Variants in FGF12 observed in about 807,000 individuals in gnomAD.
FGF12 encodes fibroblast growth factor 12B.
FGF12 carries 14 observed loss-of-function variants against 23.6 expected under a neutral mutation model. The ratio of observed to expected loss-of-function variants is 0.59; its 90% confidence interval spans 0.39 to 0.93. The LOEUF (loss-of-function observed/expected upper bound fraction) is 0.93. Ranked by LOEUF, FGF12 falls within the 40% of genes least tolerant of loss-of-function variation. The probability of loss-of-function intolerance (pLI) is 0.00; values close to 1 mark genes in which losing one functional copy is unlikely to be tolerated. For synonymous variants in FGF12, 62 were observed against 77.3 expected (o/e 0.80, Z 1.04); for missense variants, 175 against 217.8 (o/e 0.80, Z 1.24).
chr3:192,148,285 A>G (rs908912938), intron 5 of FGF12, among the ~76,000 whole-genome samples: 1 of 152,242 alleles, frequency 6.6e-6, no homozygotes, highest in African/African-American at 2.4e-5. Context: ...AGCCTAAAAA[A>G]CAAAATTCTG....
At chr3:192,385,005 T>C (rs60738057) in intron 2 of FGF12, among the ~76,000 whole-genome samples, 2,654 of 152,272 alleles carry the variant, frequency 0.017, 69 homozygotes, top group African/African-American at 0.061. Context: ...AATAAGTAGA[T>C]ATACAGATAT....
intron 4 of FGF12, among the ~76,000 whole-genome samples, chr3:192,279,130 G>C (rs550669251): frequency 6.6e-6 from 1 of 151,674 alleles, no homozygotes; most frequent in South Asian, 2.1e-4. Flanking sequence ...ATGGACATGG[G>C]AAAATTTTTC....
intron 4 of FGF12, among the ~76,000 whole-genome samples, chr3:192,315,380 C>T (rs902496389): frequency 3.3e-5 from 5 of 152,172 alleles, no homozygotes; most frequent in Non-Finnish European, 7.3e-5. Context: ...TGCCAGATCT[C>T]TATTCCTTTC....
At chr3:192,406,240 T>G (rs1720951494) in intron 2 of FGF12, among the ~76,000 whole-genome samples, 1 of 151,788 alleles carries the variant, frequency 6.6e-6, no homozygotes, top group Admixed American at 6.6e-5. Flanking sequence ...CATCTCCAAG[T>G]CAACTCCAGA....
rs186978447 is a variant in FGF12, at chr3:192,466,166, C to T, written c.14-105628G>A. 3.3e-5 allele frequency among the ~76,000 whole-genome samples: 5 copies of T among 152,260 alleles called. No homozygotes were observed. The East Asian group carries it at 9.7e-4, about 29-fold the overall frequency. ...TTAACACCACAGCTGATTGTAACAG[C>T]AGTAAGTATTAGTGTATCTAAACAT... On this transcript the variant is annotated intron_variant, in intron 2 of 5. Coordinates refer to ENST00000445105, the MANE Select transcript of FGF12 (RefSeq NM_004113.6).
intron 4 of FGF12, among the ~76,000 whole-genome samples, chr3:192,194,930 G>A (rs891468865): frequency 6.6e-6 from 1 of 152,156 alleles, no homozygotes; most frequent in African/African-American, 2.4e-5. Flanking sequence ...CCTGCTTTGG[G>A]TCAGATATCG....
In FGF12 at chr3:192,570,915, C is replaced by G. The variant is rs2108604671; in HGVS notation, c.13+156266G>C. On this transcript the variant is annotated intron_variant, in intron 2 of 5. Transcript: ENST00000445105. ...TGGAAGCTCACTTTCTGGCATCCGT[C>G]CTAGCAAGGCTAGGAAAGTAAATGA... 2.0e-5 allele frequency among the ~76,000 whole-genome samples: 3 copies of G among 152,288 alleles called. No individual in the cohort carries two copies. The South Asian group carries it at 6.2e-4, about 32-fold the overall frequency.
intron 4 of FGF12, among the ~76,000 whole-genome samples, chr3:192,172,565 G>C (rs1715628061): frequency 6.6e-6 from 1 of 150,810 alleles, no homozygotes. Context: ...ACTAGCTTAA[G>C]AATCAAAGAA....
intron 2 of FGF12, among the ~76,000 whole-genome samples, chr3:192,467,493 C>T (rs1723045114): frequency 6.6e-6 from 1 of 152,092 alleles, no homozygotes; most frequent in Non-Finnish European, 1.5e-5. Context: ...AACAGGTGAG[C>T]GGGACGCCTA....
rs77128249 is a variant in FGF12, at chr3:192,400,814, C to T, written c.14-40276G>A. 6.3e-3 allele frequency among the ~76,000 whole-genome samples: 965 copies of T among 152,262 alleles called. 12 individuals carry two copies. The highest frequency in any genetic ancestry group is 0.022 in the African/African-American group (929 of 41,548). ...CAGCCAGGGATTATCCAGGCACCTT[C>T]GACTCTCCACTCATAGTCTACCTCT... is the stretch of plus-strand genomic sequence containing the variant. On this transcript the variant is annotated intron_variant, in intron 2 of 5. Coordinates refer to ENST00000445105, the MANE Select transcript of FGF12 (RefSeq NM_004113.6).
At chr3:192,316,896 G>T (rs1179178326) in intron 4 of FGF12, among the ~76,000 whole-genome samples, 1 of 152,134 alleles carries the variant, frequency 6.6e-6, no homozygotes, top group Non-Finnish European at 1.5e-5. Context: ...TTACAATTGG[G>T]ATACCAGCTC....
chr3:192,714,935 G>A (rs947444640), intron 2 of FGF12, among the ~76,000 whole-genome samples: 10 of 152,200 alleles, frequency 6.6e-5, no homozygotes, highest in African/African-American at 2.2e-4. Context: ...AGAGCCAAAA[G>A]TGAACAGAAA....
At chr3:192,406,609 A>C (rs76070938) in intron 2 of FGF12, among the ~76,000 whole-genome samples, 2,190 of 152,302 alleles carry the variant, frequency 0.014, 59 homozygotes, top group African/African-American at 0.05. Flanking sequence ...AAAATAATAG[A>C]GACTAATAGC....
In FGF12 at chr3:192,604,455, C is replaced by T. The variant is rs543096015; in HGVS notation, c.13+122726G>A. ...CTTCTTCAGCTCCAGCCGGTCCCTC[C>T]GTTCAGGGTCCCTGACTTCCCACAA... On this transcript the variant is annotated intron_variant, in intron 2 of 5. Coordinates refer to ENST00000445105, the MANE Select transcript of FGF12 (RefSeq NM_004113.6). 2.1e-3 allele frequency among the ~76,000 whole-genome samples: 320 copies of T among 152,320 alleles called. 3 individuals carry two copies. The Middle Eastern group carries it at 0.024, about 11-fold the overall frequency.
intron 2 of FGF12, among the ~76,000 whole-genome samples, chr3:192,659,856 T>C (rs9844140): frequency 0.56 from 85,544 of 151,856 alleles, 24,526 homozygotes; most frequent in East Asian, 0.67. Flanking sequence ...TGTGAGATGG[T>C]ATCTCATTGT....
At chr3:192,586,903 T>A (rs1713394547) in intron 2 of FGF12, among the ~76,000 whole-genome samples, 1 of 152,238 alleles carries the variant, frequency 6.6e-6, no homozygotes, top group African/African-American at 2.4e-5. Context: ...CTGTACTTCT[T>A]GTTAGTGTGG....
At chr3:192,523,080 T>G (rs562072219) in intron 2 of FGF12, among the ~76,000 whole-genome samples, 59 of 152,210 alleles carry the variant, frequency 3.9e-4, no homozygotes, top group Non-Finnish European at 7.1e-4. Flanking sequence ...TTATATAAAT[T>G]TGGCTTTGAT....
chr3:192,170,805 C>CAAAG (rs1297666785), intron 4 of FGF12, 149 bp from the exon 5 acceptor site: 2 of 692,368 alleles, frequency 2.9e-6, no homozygotes, highest in African/African-American at 1.8e-5. Flanking sequence ...CCTTTGGTTA[C>CAAAG]AAAGATTCAT....
Position 192,249,995 on chromosome 3 carries a change from A to G in FGF12, c.229-79339T>C, listed in dbSNP as rs1711897511. The stretch of plus-strand genomic sequence containing the variant: ...ACTAGAAGACAAGAGTGCTTTAGAT[A>G]TGGAAGCCATTGCTCTGATATTTTA... On this transcript the variant is annotated intron_variant, in intron 4 of 5. Coordinates refer to ENST00000445105, the MANE Select transcript of FGF12 (RefSeq NM_004113.6). Among the ~76,000 whole-genome samples, 6 of 152,202 alleles carry G rather than the reference A, an allele frequency of 3.9e-5. No individual in the cohort carries two copies. In the South Asian group the frequency reaches 1.2e-3, roughly 32 times the overall value.
Sources: allele counts gnomAD v4.1 joint callset (sites outside exome capture counted in the v4.1 genomes callset), GRCh38; gene constraint gnomAD v4.1.1; transcripts MANE v1.5; gene names NCBI Gene and HGNC (gene_info 2026-07-23, HGNC 2026-07-21).